The following UNC13B variants were observed in gnomAD, a reference collection of about 807,000 sequenced individuals.
The protein encoded by UNC13B is protein unc-13 homolog B.
UNC13B carries 144 observed loss-of-function variants against 211.0 expected under a neutral mutation model. That is an observed-to-expected ratio of 0.68 (90% confidence interval 0.60 to 0.78). The LOEUF is 0.78. Ranked by LOEUF, UNC13B falls within the 30% of genes least tolerant of loss-of-function variation. The pLI is 0.00. For synonymous variants in UNC13B, 709 were observed against 725.8 expected (o/e 0.98, Z 0.37); for missense variants, 1,777 against 2,002.0 (o/e 0.89, Z 2.14).
At chr9:35,284,804 G>A (rs1828700563) in intron 7 of UNC13B, among the ~76,000 whole-genome samples, 1 of 152,168 alleles carries the variant, frequency 6.6e-6, no homozygotes, top group South Asian at 2.1e-4. Context: ...GTAGTTGATA[G>A]GTGAGTTCCT....
chr9:35,281,026 G>T (rs954509614), intron 7 of UNC13B, among the ~76,000 whole-genome samples: 9 of 152,150 alleles, frequency 5.9e-5, no homozygotes, highest in Admixed American at 5.2e-4. Context: ...GAGGCGGGTG[G>T]ATCACGAGGT....
rs562588629 is a variant in UNC13B at position 35,370,532 on chromosome 9, G to A, written c.9540+136G>A. On this transcript the variant is annotated intron_variant, in intron 13 of 39. Coordinates refer to ENST00000635942, the MANE Select transcript of UNC13B (RefSeq NM_001371189.2). ...TGATGATCAATCATTTAAAGCCTTC[G>A]GAGACTTAGCAGTGGCTTCACAGGG... 34 of 771,552 alleles carry A rather than the reference G, an allele frequency of 4.4e-5. No individual in the cohort carries two copies. The East Asian group carries it at 6.4e-4, about 15-fold the overall frequency. 47.8% of individuals were successfully genotyped at this position (771,552 alleles called of 1,614,324 possible).
At chr9:35,315,945 A>G (rs1830430670) in intron 11 of UNC13B, among the ~76,000 whole-genome samples, 1 of 152,240 alleles carries the variant, frequency 6.6e-6, no homozygotes, top group African/African-American at 2.4e-5. Context: ...ATTGCGTCAG[A>G]AAGTACCTGA....
chr9:35,307,860 G>A lies in UNC13B; in HGVS notation c.8456G>A (p.Gly2819Glu). 1 of 399,026 alleles carries A rather than the reference G, an allele frequency of 2.5e-6. No individual in the cohort carries two copies. The allele number at this position is 399,026 out of a possible 1,614,324, so 24.7% of individuals were successfully genotyped here. A position where few individuals can be genotyped will look rare whatever the true frequency, so the allele number is the denominator to read the frequency against. The change falls in exon 9 of 40, where the codon GGA becomes GAA. Residue 2819 changes from glycine (G) to glutamate (E), a missense_variant. By Grantham distance (98) the Gly-to-Glu change is moderately conservative. Transcript: ENST00000635942. ...SFKKLSTLFE[G>E]SSEGKGSVLA... ...AAGAAGTTGTCAACTCTATTTGAGG[G>A]AAGTAGTGAGGGGAAAGGGAGTGTA...
intron 11 of UNC13B, among the ~76,000 whole-genome samples, chr9:35,315,450 C>A (rs1232470353): frequency 6.6e-6 from 1 of 152,184 alleles, no homozygotes; most frequent in Admixed American, 6.5e-5. Context: ...CACCCAGATG[C>A]TCCAACTATT....
At chr9:35,351,137 C>A (rs1334584236) in intron 11 of UNC13B, among the ~76,000 whole-genome samples, 1 of 152,244 alleles carries the variant, frequency 6.6e-6, no homozygotes, top group Admixed American at 6.5e-5. Flanking sequence ...AAACAACTGA[C>A]TGCCCATAGC....
At chr9:35,371,164 T>C (rs1190041285) in intron 13 of UNC13B, among the ~76,000 whole-genome samples, 1 of 152,182 alleles carries the variant, frequency 6.6e-6, no homozygotes, top group African/African-American at 2.4e-5. Context: ...TTTTTCTCTC[T>C]ATTCTATCTA....
At chr9:35,398,756 C>A in intron 32 of UNC13B, 114 bp downstream of exon 32, 1 of 1,557,488 alleles carries the variant, frequency 6.4e-7, no homozygotes, top group Non-Finnish European at 8.8e-7. Context: ...CTTCCCTGTA[C>A]TCCTGCTGAC....
chr9:35,386,122 G>A (rs1564188412), intron 23 of UNC13B, 43 bp from the exon 24 acceptor site: 1 of 1,612,858 alleles, frequency 6.2e-7, no homozygotes, highest in Non-Finnish European at 8.5e-7. Context: ...TCCCACCCAG[G>A]TGAGCAGGTC....
chr9:35,348,488 G>A (rs570970954), intron 11 of UNC13B, among the ~76,000 whole-genome samples: 3 of 152,276 alleles, frequency 2.0e-5, no homozygotes, highest in South Asian at 4.2e-4. Flanking sequence ...CAGTCTCCTC[G>A]TAGGATTCCA....
At chr9:35,197,942 T>A (rs1823037395) in intron 1 of UNC13B, among the ~76,000 whole-genome samples, 1 of 152,182 alleles carries the variant, frequency 6.6e-6, no homozygotes, top group Non-Finnish European at 1.5e-5. Flanking sequence ...TATAGCAATG[T>A]GAGAACAGAC....
chr9:35,352,509 A>G, intron 11 of UNC13B: 1 of 1,232,076 alleles, frequency 8.1e-7, no homozygotes, highest in East Asian at 3.2e-5. Context: ...CAACATCAGG[A>G]TTATAGTCAG....
chr9:35,257,119 A>G (rs1826923984), intron 6 of UNC13B, among the ~76,000 whole-genome samples: 1 of 151,678 alleles, frequency 6.6e-6, no homozygotes, highest in Admixed American at 6.6e-5. Flanking sequence ...TATTATTTAT[A>G]ACCAAGTCCT....
intron 7 of UNC13B, among the ~76,000 whole-genome samples, chr9:35,259,991 C>T (rs1262565971): frequency 1.6e-5 from 2 of 123,332 alleles, no homozygotes; most frequent in Non-Finnish European, 3.1e-5. Flanking sequence ...TTCTTGAGCC[C>T]AGGAGTCTGA....
At chr9:35,402,873 G>A (rs934363803) in intron 37 of UNC13B, among the ~76,000 whole-genome samples, 1 of 152,058 alleles carries the variant, frequency 6.6e-6, no homozygotes, top group African/African-American at 2.4e-5. Flanking sequence ...CTACCCCAAC[G>A]TCTTTCAGTT....
chr9:35,357,438 T>G (rs1196713063), intron 11 of UNC13B, among the ~76,000 whole-genome samples: 1 of 152,100 alleles, frequency 6.6e-6, no homozygotes, highest in Non-Finnish European at 1.5e-5. Flanking sequence ...TTTCGTTTTG[T>G]TTTTGAGCTG....
intron 22 of UNC13B, chr9:35,384,782 T>A (rs894562880): frequency 3.6e-5 from 34 of 955,060 alleles, no homozygotes; most frequent in Non-Finnish European, 4.2e-5. Context: ...ATTCCTAGTA[T>A]AAAGGGAGGA....
intron 2 of UNC13B, among the ~76,000 whole-genome samples, chr9:35,230,176 A>G (rs1825115855): frequency 2.0e-5 from 3 of 152,112 alleles, no homozygotes; most frequent in Admixed American, 1.3e-4. Flanking sequence ...CTCTGTGATA[A>G]TATTTCTTTT....
At position 35,307,064 on chromosome 9, in the gene UNC13B, G is replaced by A. The variant is rs1829960957; in HGVS notation, c.7660G>A (p.Ala2554Thr). ...AGTACCTCCAGAAAGGAGAGAAGCT[G>A]CCTTTACAGCACTAAGTTCAGAATC... Reference protein sequence around the residue: ...GSVPPERREAAFTALSSESTL... With the variant: ...GSVPPERREATFTALSSESTL... The change falls in exon 9 of 40, where the codon GCC becomes ACC. Residue 2554 changes from alanine (A) to threonine (T), a missense_variant. Ala to Thr is a moderately conservative substitution (Grantham distance 58). Coordinates refer to ENST00000635942, the MANE Select transcript of UNC13B (RefSeq NM_001371189.2). 2.5e-6 allele frequency: 1 copy of A among 399,002 alleles called. No individual in the cohort carries two copies. Among genetic ancestry groups the A allele is most frequent in the Non-Finnish European group, 4.4e-6 (1 of 226,052 alleles). 24.7% of individuals were successfully genotyped at this position (399,002 alleles called of 1,614,324 possible).
Sources: gnomAD v4.1 joint callset for allele counts (sites outside exome capture counted in the v4.1 genomes callset) on GRCh38, gnomAD v4.1.1 for gene constraint, MANE v1.5 for transcripts, NCBI Gene and HGNC (gene_info 2026-07-23, HGNC 2026-07-21) for gene names.